The following COMMD2 variants were observed in gnomAD, a reference collection of about 807,000 sequenced individuals.
COMMD2 encodes the protein COMM domain-containing protein 2.
Under a neutral mutation model 22.5 loss-of-function variants are expected in COMMD2, and 25 were observed. The observed-to-expected ratio is 1.11, with a 90% CI of 0.81 to 1.55. The LOEUF (loss-of-function observed/expected upper bound fraction) is 1.55, where lower values mean the gene tolerates loss of function less well. Ranked by LOEUF, COMMD2 falls within the 40% of genes most tolerant of loss-of-function variation. The pLI, the probability that COMMD2 is intolerant of heterozygous loss-of-function variation, is 0.00. For missense variants in COMMD2, 223 were observed against 232.9 expected, an observed-to-expected ratio of 0.96 and a Z score of 0.28; for synonymous variants, 98 against 91.2, an observed-to-expected ratio of 1.07 and a Z score of -0.42.
At position 149,738,936 on chromosome 3, in the gene COMMD2, A is replaced by G. The variant is rs1716136317; in HGVS notation, c.*2585T>C. ...TCAATAACAAAACAAGCTTGTTGAC[A>G]TTTTGTGAAACATTTAAGGAGACTT... is the stretch of plus-strand genomic sequence containing the variant. On this transcript the variant is annotated 3_prime_UTR_variant, in exon 5 of 5. Coordinates refer to ENST00000473414, the MANE Select transcript of COMMD2 (RefSeq NM_016094.4). The G allele has an allele frequency of 6.6e-6, 1 of 152,162 alleles. No individual in the cohort carries two copies. The highest frequency in any genetic ancestry group is 1.5e-5 in the Non-Finnish European group (1 of 68,002). The allele number at this position is 152,162 out of a possible 1,614,324, so 9.4% of individuals were successfully genotyped here. A position where few individuals can be genotyped will look rare whatever the true frequency, so the allele number is the denominator to read the frequency against.
intron 4 of COMMD2, chr3:149,750,353 C>T (rs993662847): frequency 1.3e-5 from 6 of 444,684 alleles, no homozygotes; most frequent in Middle Eastern, 3.3e-4. Flanking sequence ...ATTCATTGAG[C>T]GGTACATTGA....
chr3:149,748,549 T>C (rs1046285632), intron 4 of COMMD2, among the ~76,000 whole-genome samples: 13 of 152,220 alleles, frequency 8.5e-5, no homozygotes, highest in African/African-American at 3.1e-4. Flanking sequence ...AAAATTTAAC[T>C]GTGTCTAGTG....
rs930106811 is a variant in COMMD2, at chr3:149,738,629, T to G, written c.*2892A>C. ...TGAACAAAAAAAAAGGCTTTGAGAA[T>G]TTATCAAGGACCCATAATAATCCAC... On this transcript the variant is annotated 3_prime_UTR_variant, in exon 5 of 5. Coordinates refer to ENST00000473414, the MANE Select transcript of COMMD2 (RefSeq NM_016094.4). The G allele has an allele frequency of 6.6e-6, 1 of 152,106 alleles. No homozygotes were observed. Among genetic ancestry groups the G allele is most frequent in the Non-Finnish European group, 1.5e-5 (1 of 67,966 alleles). 9.4% of individuals were successfully genotyped at this position (152,106 alleles called of 1,614,324 possible).
chr3:149,751,795 C>G (rs1716539170), intron 2 of COMMD2: 1 of 280,024 alleles, frequency 3.6e-6, no homozygotes, highest in Admixed American at 5.0e-5. Context: ...TTGACTTAAT[C>G]CCAGAGACTG....
Position 149,741,574 on chromosome 3 carries a change from A to G in COMMD2, c.547T>C (p.Leu183=), listed in dbSNP as rs1576657331. The change falls in exon 5 of 5, where the codon TTG becomes CTG. Residue 183 remains leucine, a synonymous_variant. Transcript: ENST00000473414. ...CAGTGATTTGTCTTCATCTCTTCCA[A>G]TGCTTGTTCCAGTTGTTGAACCAAA... ...LHLVQQLEQA[L]EEMKTNHCRR... The G allele has an allele frequency of 1.2e-6, 2 of 1,614,088 alleles. No homozygotes were observed.
At position 149,741,403 on chromosome 3, in the gene COMMD2, A is replaced by C. The variant is rs143047508; in HGVS notation, c.*118T>G. On this transcript the variant is annotated 3_prime_UTR_variant, in exon 5 of 5. Transcript: ENST00000473414. ...ATGACCTCAGTATCTTGGAATAGAT[A>C]CTGAGGAATACTATGTATTTATCAT... 4.2e-4 allele frequency: 340 copies of C among 812,786 alleles called. 3 individuals carry two copies. In the African/African-American group the frequency reaches 5.3e-3, roughly 13 times the overall value. The allele number at this position is 812,786 out of a possible 1,614,324, so 50.3% of individuals were successfully genotyped here.
At chr3:149,748,031 AG>A (rs1349433011) in intron 4 of COMMD2, among the ~76,000 whole-genome samples, 2 of 151,916 alleles carry the variant, frequency 1.3e-5, no homozygotes, top group African/African-American at 4.8e-5. Context: ...CATGGAGTCA[AG>A]ACTGGGTTTC....
rs543470696 is a variant in COMMD2 at position 149,739,779 on chromosome 3, T to C, written c.*1742A>G. 37 of 152,342 alleles carry C rather than the reference T, an allele frequency of 2.4e-4. No homozygotes were observed. The highest frequency in any genetic ancestry group is 8.9e-4 in the African/African-American group (37 of 41,580). 9.4% of individuals were successfully genotyped at this position (152,342 alleles called of 1,614,324 possible). A position where few individuals can be genotyped will look rare whatever the true frequency, so the allele number is the denominator to read the frequency against. On this transcript the variant is annotated 3_prime_UTR_variant, in exon 5 of 5. Coordinates refer to ENST00000473414, the MANE Select transcript of COMMD2 (RefSeq NM_016094.4). The stretch of plus-strand genomic sequence containing the variant: ...AGGTTGTATATGAGAGCTTCATTAA[T>C]CAAGTTGCCACTATAATTAAAAATT...
At chr3:149,741,757 AT>A (rs1186644591) in intron 4 of COMMD2, 39 bp from the exon 5 acceptor site, 2 of 1,447,302 alleles carry the variant, frequency 1.4e-6, no homozygotes, top group Non-Finnish European at 1.9e-6. Context: ...TAACTATTTA[AT>A]AACCATGCTG....
At chr3:149,748,572 T>A (rs999522255) in intron 4 of COMMD2, among the ~76,000 whole-genome samples, 1 of 152,178 alleles carries the variant, frequency 6.6e-6, no homozygotes, top group Non-Finnish European at 1.5e-5. Flanking sequence ...AGGAGGCATT[T>A]CTCCCAAAGG....
In COMMD2 at chr3:149,740,640, A is replaced by G. The variant is rs1445485834; in HGVS notation, c.*881T>C. On this transcript the variant is annotated 3_prime_UTR_variant, in exon 5 of 5. Coordinates refer to ENST00000473414, the MANE Select transcript of COMMD2 (RefSeq NM_016094.4). ...AAATGAATAAACTGCCTATAACAAT[A>G]TAGCATTAAAAATCCTATTGATGTT... is the stretch of plus-strand genomic sequence containing the variant. The G allele has an allele frequency of 6.6e-6, 1 of 152,232 alleles. No homozygotes were observed. The highest frequency in any genetic ancestry group is 1.5e-5 in the Non-Finnish European group (1 of 68,032). The allele number at this position is 152,232 out of a possible 1,614,324, so 9.4% of individuals were successfully genotyped here.
intron 2 of COMMD2, 116 bp downstream of exon 2, chr3:149,752,094 T>C: frequency 1.2e-6 from 1 of 825,798 alleles, no homozygotes; most frequent in East Asian, 2.5e-5. Flanking sequence ...GGTTTTATTC[T>C]ACTACAATCG....
intron 4 of COMMD2, among the ~76,000 whole-genome samples, chr3:149,746,126 G>A (rs537156797): frequency 6.6e-6 from 1 of 152,264 alleles, no homozygotes; most frequent in East Asian, 1.9e-4. Flanking sequence ...AATCTATCTT[G>A]AACTGATTAA....
At chr3:149,750,958 A>T (rs1716511695) in intron 3 of COMMD2, 107 bp from the exon 4 acceptor site, 1 of 722,474 alleles carries the variant, frequency 1.4e-6, no homozygotes, top group Non-Finnish European at 2.1e-6. Flanking sequence ...TGTCTAGTAA[A>T]AGAAACAGCA....
intron 4 of COMMD2, among the ~76,000 whole-genome samples, chr3:149,745,628 T>G (rs956631701): frequency 6.6e-6 from 1 of 152,238 alleles, no homozygotes; most frequent in Non-Finnish European, 1.5e-5. Context: ...ATTCAATAAA[T>G]GGTTTGATAA....
rs371197410 is a variant in COMMD2 at position 149,751,381 on chromosome 3, A to C, written c.228+22T>G. On this transcript the variant is annotated intron_variant, in intron 3 of 4. Coordinates refer to ENST00000473414, the MANE Select transcript of COMMD2 (RefSeq NM_016094.4). ...GTTCTTAAGAATCCAGCCAACACAA[A>C]ACAGTCCAGAAAATCCCTTACCATG... is the stretch of plus-strand genomic sequence containing the variant. The C allele has an allele frequency of 9.2e-4, 1,487 of 1,613,870 alleles. 2 individuals carry two copies. Among genetic ancestry groups the C allele is most frequent in the Non-Finnish European group, 1.1e-3 (1,345 of 1,179,934 alleles).
intron 4 of COMMD2, among the ~76,000 whole-genome samples, chr3:149,742,976 A>AAAAAAG (rs1297375021): frequency 7.2e-6 from 1 of 139,566 alleles, no homozygotes; most frequent in Non-Finnish European, 1.5e-5. Context: ...AAAAAAAAAA[A>AAAAAAG]AAAAAGAAAA....
chr3:149,741,624 T>G lies in COMMD2; in HGVS notation c.497A>C (p.Gln166Pro). The G allele has an allele frequency of 6.2e-7, 1 of 1,614,100 alleles. No homozygotes were observed. The highest frequency in any genetic ancestry group is 8.5e-7 in the Non-Finnish European group (1 of 1,179,994). The change falls in exon 5 of 5, where the codon CAG becomes CCG. Residue 166 changes from glutamine (Q) to proline (P), a missense_variant. By Grantham distance (76) the Gln-to-Pro change is moderately conservative (BLOSUM62 -1). Coordinates refer to ENST00000473414, the MANE Select transcript of COMMD2 (RefSeq NM_016094.4). The part of the protein sequence containing the change: ...QNGDHNTKVL[Q>P]TDPATLLHLV... The stretch of plus-strand genomic sequence containing the variant: ...ATGGAGCAGGGTGGCTGGGTCTGTC[T>G]GCAGAACTTTGGTGTTGTGATCTCC...
intron 4 of COMMD2, among the ~76,000 whole-genome samples, chr3:149,749,787 GTGTTGT>G (rs142858902): frequency 6.6e-5 from 10 of 151,878 alleles, no homozygotes; most frequent in South Asian, 4.2e-4. Context: ...ACAACTACAC[GTGTTGT>G]TGTTGTTGTT....
Sources: allele counts gnomAD v4.1 joint callset (sites outside exome capture counted in the v4.1 genomes callset), GRCh38; gene constraint gnomAD v4.1.1; transcripts MANE v1.5; gene names NCBI Gene and HGNC (gene_info 2026-07-23, HGNC 2026-07-21).